The following ARHGAP24 variants were observed in gnomAD, a reference collection of about 807,000 sequenced individuals.
The protein encoded by ARHGAP24 is Rho GTPase activating protein 24.
A neutral mutation model predicts 76.4 loss-of-function variants in ARHGAP24; 50 were observed. That is an observed-to-expected ratio of 0.65 (90% CI 0.52 to 0.83). ARHGAP24 has a LOEUF of 0.83. Among genes scored for constraint, ARHGAP24 ranks in the 40% least tolerant of loss-of-function variants. The pLI is 0.00. For missense variants in ARHGAP24, 930 were observed against 914.2 expected, an observed-to-expected ratio of 1.02 and a Z score of -0.22; for synonymous variants, 345 against 323.3, an observed-to-expected ratio of 1.07 and a Z score of -0.72.
chr4:85,523,966 T>G (rs1170738301), intron 1 of ARHGAP24, among the ~76,000 whole-genome samples: 1 of 152,144 alleles, frequency 6.6e-6, no homozygotes, highest in Non-Finnish European at 1.5e-5. Flanking sequence ...TGTGATGGGA[T>G]TAAGCCTTAT....
At chr4:85,539,666 GA>G (rs2110121929) in intron 1 of ARHGAP24, among the ~76,000 whole-genome samples, 1 of 152,120 alleles carries the variant, frequency 6.6e-6, no homozygotes, top group African/African-American at 2.4e-5. Flanking sequence ...AAGGAAAATT[GA>G]AAAAAAGCCT....
chr4:85,920,492 G>A (rs547642192), intron 3 of ARHGAP24, among the ~76,000 whole-genome samples: 1 of 152,088 alleles, frequency 6.6e-6, no homozygotes, highest in African/African-American at 2.4e-5. Context: ...TGATGAAAAT[G>A]CCAAAAGCAA....
intron 3 of ARHGAP24, among the ~76,000 whole-genome samples, chr4:85,809,700 C>T (rs1728931772): frequency 6.6e-6 from 1 of 152,096 alleles, no homozygotes; most frequent in Non-Finnish European, 1.5e-5. Context: ...TCATTTTGGA[C>T]ATCATAAGGC....
At chr4:85,609,515 G>A (rs1220326318) in intron 2 of ARHGAP24, among the ~76,000 whole-genome samples, 1 of 152,114 alleles carries the variant, frequency 6.6e-6, no homozygotes, top group Non-Finnish European at 1.5e-5. Flanking sequence ...CCTTTAATAT[G>A]TTTTGCATAA....
At chr4:85,830,691 A>G (rs1319146442) in intron 3 of ARHGAP24, among the ~76,000 whole-genome samples, 1 of 152,208 alleles carries the variant, frequency 6.6e-6, no homozygotes. Flanking sequence ...TTACTTCTAG[A>G]TTCCTTAAAT....
At chr4:85,946,475 A>C (rs113388305) in intron 5 of ARHGAP24, among the ~76,000 whole-genome samples, 53 of 151,954 alleles carry the variant, frequency 3.5e-4, no homozygotes, top group African/African-American at 1.1e-3. Flanking sequence ...AACCCTTAGC[A>C]CCCTCTCTCC....
chr4:85,587,936 G>A (rs1261295726), intron 2 of ARHGAP24, among the ~76,000 whole-genome samples: 1 of 152,152 alleles, frequency 6.6e-6, no homozygotes, highest in Non-Finnish European at 1.5e-5. Context: ...AGACAATACT[G>A]GTGCAGTGGT....
At chr4:85,895,141 T>A (rs6531877) in intron 3 of ARHGAP24, among the ~76,000 whole-genome samples, 50,336 of 151,554 alleles carry the variant, frequency 0.33, 8,727 homozygotes, top group South Asian at 0.43. Flanking sequence ...GAAATCTCAG[T>A]AATCACCACT....
At chr4:85,493,382 A>C (rs903488055) in intron 1 of ARHGAP24, among the ~76,000 whole-genome samples, 2 of 152,190 alleles carry the variant, frequency 1.3e-5, no homozygotes, top group African/African-American at 4.8e-5. Context: ...TATCTTCATA[A>C]TTCCTTCTAC....
At chr4:85,513,795 TTC>T (rs1377708765) in intron 1 of ARHGAP24, among the ~76,000 whole-genome samples, 1 of 152,212 alleles carries the variant, frequency 6.6e-6, no homozygotes, top group African/African-American at 2.4e-5. Flanking sequence ...TGATTTCTTT[TTC>T]CCTTGTGATG....
chr4:85,790,214 G>A (rs1191067652), intron 3 of ARHGAP24, among the ~76,000 whole-genome samples: 1 of 152,104 alleles, frequency 6.6e-6, no homozygotes, highest in African/African-American at 2.4e-5. Context: ...AATGCCTTGG[G>A]AAGTTGACAA....
chr4:85,599,670 T>TG lies in ARHGAP24; in HGVS notation c.180+28949_180+28950insG, dbSNP rs1560547375. The stretch of plus-strand genomic sequence containing the variant: ...AAATACACATGAATTGCTATTAAAT[T>TG]ATTTTTTTTTTGTATTATATGTAAC... On this transcript the variant is annotated intron_variant, in intron 2 of 9. Coordinates refer to ENST00000395184, the MANE Select transcript of ARHGAP24 (RefSeq NM_001025616.3). Among the ~76,000 whole-genome samples, 719 of 150,116 alleles carry TG rather than the reference T, an allele frequency of 4.8e-3. 5 individuals are homozygous for TG. The highest frequency in any genetic ancestry group is 0.017 in the African/African-American group (671 of 39,702).
intron 3 of ARHGAP24, among the ~76,000 whole-genome samples, chr4:85,856,637 A>T (rs990445264): frequency 2.0e-5 from 3 of 151,990 alleles, no homozygotes; most frequent in Middle Eastern, 3.4e-3. Context: ...CATCCCGCTA[A>T]TTTTTGTATT....
chr4:85,655,792 T>TAG (rs1248907720), intron 2 of ARHGAP24, among the ~76,000 whole-genome samples: 7 of 37,698 alleles, frequency 1.9e-4, no homozygotes, highest in East Asian at 1.3e-3. Flanking sequence ...TATATATATA[T>TAG]AGAGAGAGAG....
chr4:85,735,546 T>TTTTTCTGGGTACAC (rs1409066814), intron 3 of ARHGAP24, among the ~76,000 whole-genome samples: 1 of 152,208 alleles, frequency 6.6e-6, no homozygotes, highest in Non-Finnish European at 1.5e-5. Flanking sequence ...CATTCTTCAT[T>TTTTTCTGGGTACAC]TGGCTTTTAG....
At chr4:85,554,811 C>T (rs562449260) in intron 1 of ARHGAP24, among the ~76,000 whole-genome samples, 21 of 149,662 alleles carry the variant, frequency 1.4e-4, no homozygotes, top group Non-Finnish European at 2.7e-4. Context: ...GCTGGGACTA[C>T]AGGTGCCCGC....
At chr4:85,714,191 T>C (rs1724642504) in intron 2 of ARHGAP24, among the ~76,000 whole-genome samples, 1 of 152,180 alleles carries the variant, frequency 6.6e-6, no homozygotes, top group African/African-American at 2.4e-5. Context: ...AAGAAATTCA[T>C]GTTCTCCTGT....
At chr4:85,630,506 G>A (rs943468620) in intron 2 of ARHGAP24, among the ~76,000 whole-genome samples, 8 of 152,068 alleles carry the variant, frequency 5.3e-5, no homozygotes, top group Admixed American at 2.6e-4. Context: ...CAGGATAAAC[G>A]TTTACTAGTC....
intron 1 of ARHGAP24, among the ~76,000 whole-genome samples, chr4:85,554,524 T>G (rs1182303882): frequency 1.3e-5 from 2 of 152,176 alleles, no homozygotes; most frequent in African/African-American, 4.8e-5. Flanking sequence ...CAAGTTAGTT[T>G]AGAGAACCAG....
Sources: allele counts gnomAD v4.1 joint callset (sites outside exome capture counted in the v4.1 genomes callset), GRCh38; gene constraint gnomAD v4.1.1; transcripts MANE v1.5; gene names NCBI Gene and HGNC (gene_info 2026-07-23, HGNC 2026-07-21).